The following DNAH14 variants were observed in gnomAD, a reference collection of about 807,000 sequenced individuals.
DNAH14 encodes dynein axonemal heavy chain 14.
In DNAH14, 478 loss-of-function variants were observed where a neutral mutation model predicts 520.9. The observed-to-expected ratio is 0.92, with a 90% CI of 0.85 to 0.99. The LOEUF is 0.99. Ranked by LOEUF, DNAH14 falls within the 50% of genes least tolerant of loss-of-function variation. DNAH14 has a pLI of 0.00. For synonymous variants in DNAH14, 1,581 were observed against 1,757.2 expected, an observed-to-expected ratio of 0.90 and a Z score of 2.51; for missense variants, 4,831 against 5,234.5, an observed-to-expected ratio of 0.92 and a Z score of 2.38.
chr1:225,022,854 A>G (rs2065815882), intron 10 of DNAH14, among the ~76,000 whole-genome samples: 1 of 152,212 alleles, frequency 6.6e-6, no homozygotes, highest in African/African-American at 2.4e-5. Context: ...GATGCCCATC[A>G]TTGGTGGACT....
intron 52 of DNAH14, among the ~76,000 whole-genome samples, chr1:225,275,586 A>T (rs192133934): frequency 3.1e-3 from 472 of 152,368 alleles, no homozygotes; most frequent in Non-Finnish European, 5.0e-3. Context: ...GAACTACAAG[A>T]TATTTCTAGC....
chr1:225,034,368 T>A (rs2066773517), intron 11 of DNAH14, among the ~76,000 whole-genome samples: 1 of 152,176 alleles, frequency 6.6e-6, no homozygotes, highest in African/African-American at 2.4e-5. Flanking sequence ...CATTTATTGA[T>A]TTGTGTATGT....
rs1319715399 is a variant in DNAH14, at chr1:225,318,567, T to C, written c.9241-16T>C. The C allele has an allele frequency of 1.3e-6, 2 of 1,538,154 alleles. No individual in the cohort carries two copies. The highest frequency in any genetic ancestry group is 1.4e-5 in the African/African-American group (1 of 72,304). On this transcript the variant is annotated splice_polypyrimidine_tract_variant and intron_variant, in intron 60 of 85. Transcript: ENST00000682510. ...ATTGATTCATATGTGTTTGGGGACC[T>C]ATATTTTTATTGCAGAAAACTGCCA...
chr1:225,049,045 C>CTTTT (rs1196968494), intron 15 of DNAH14, among the ~76,000 whole-genome samples: 3 of 87,116 alleles, frequency 3.4e-5, no homozygotes, highest in East Asian at 3.3e-4. Flanking sequence ...GATCTCTTGC[C>CTTTT]TATTTTTTTT....
Position 225,232,017 on chromosome 1 carries a change from T to A in DNAH14, c.6518+866T>A, listed in dbSNP as rs1002667357. On this transcript the variant is annotated intron_variant, in intron 42 of 85. Transcript: ENST00000682510. This position sits in a 1 kb window ranked among gnomAD's most constrained non-coding sequence, Gnocchi z 4.2. ...TATTTTTGAAGTCCTCTGTATTCTC[T>A]CCTAGATCTCAGGGTATCCTATCAT... Among the ~76,000 whole-genome samples, 1 of 152,164 alleles carries A rather than the reference T, an allele frequency of 6.6e-6. No homozygotes were observed. The highest frequency in any genetic ancestry group is 1.5e-5 in the Non-Finnish European group (1 of 68,004).
intron 77 of DNAH14, among the ~76,000 whole-genome samples, chr1:225,372,243 C>A (rs528296652): frequency 6.6e-6 from 1 of 152,172 alleles, no homozygotes; most frequent in East Asian, 1.9e-4. Context: ...TAATAAAATT[C>A]ATATGGAAGA....
chr1:225,018,317 T>C (rs2065378302), intron 10 of DNAH14, among the ~76,000 whole-genome samples: 1 of 152,130 alleles, frequency 6.6e-6, no homozygotes, highest in African/African-American at 2.4e-5. Context: ...GGAAGATTGC[T>C]CACTTGAAGC....
At chr1:225,146,655 A>G (rs2079973900) in intron 30 of DNAH14, among the ~76,000 whole-genome samples, 1 of 152,156 alleles carries the variant, frequency 6.6e-6, no homozygotes, top group Admixed American at 6.5e-5. Context: ...ATTGCCCATC[A>G]GCTGCCCGCC....
intron 69 of DNAH14, among the ~76,000 whole-genome samples, chr1:225,344,760 A>G (rs6664317): frequency 0.6 from 90,048 of 150,932 alleles, 28,010 homozygotes; most frequent in East Asian, 0.76. Flanking sequence ...CCATTGCCAC[A>G]CTAGAGTGCA....
chr1:224,974,394 C>G (rs559846300), intron 8 of DNAH14, among the ~76,000 whole-genome samples: 4 of 152,296 alleles, frequency 2.6e-5, no homozygotes, highest in Non-Finnish European at 4.4e-5. Flanking sequence ...GTCACTTTAT[C>G]TAACTTCTTG....
intron 64 of DNAH14, among the ~76,000 whole-genome samples, chr1:225,328,756 A>G (rs1357247890): frequency 1.3e-5 from 2 of 152,180 alleles, no homozygotes; most frequent in African/African-American, 4.8e-5. Flanking sequence ...AAGTTAATCA[A>G]TAGGCCCCAT....
chr1:225,221,991 C>T (rs550532230), intron 41 of DNAH14, among the ~76,000 whole-genome samples: 3 of 152,242 alleles, frequency 2.0e-5, no homozygotes, highest in African/African-American at 7.2e-5. Context: ...GCCAGCTTAT[C>T]GGGGCTCACT....
intron 19 of DNAH14, among the ~76,000 whole-genome samples, chr1:225,082,116 A>T (rs1161407653): frequency 6.6e-6 from 1 of 151,426 alleles, no homozygotes; most frequent in Non-Finnish European, 1.5e-5. Flanking sequence ...CTATGTTAAG[A>T]TGTTAATTAA....
chr1:225,149,576 T>A (rs886354546), intron 31 of DNAH14, among the ~76,000 whole-genome samples: 4 of 152,136 alleles, frequency 2.6e-5, no homozygotes, highest in Non-Finnish European at 5.9e-5. Flanking sequence ...ATGGAATGTT[T>A]TTCCATTTTC....
At chr1:225,292,498 A>T (rs892074751) in intron 55 of DNAH14, among the ~76,000 whole-genome samples, 1 of 151,988 alleles carries the variant, frequency 6.6e-6, no homozygotes, top group African/African-American at 2.4e-5. Flanking sequence ...TTTGGTTACT[A>T]TAGCTTTGTA....
Position 225,261,089 on chromosome 1 carries a change from G to A in DNAH14, c.7157+1836G>A, listed in dbSNP as rs186198001. Among the ~76,000 whole-genome samples, 349 of 152,216 alleles carry A rather than the reference G, an allele frequency of 2.3e-3. 2 individuals carry two copies. Among genetic ancestry groups the A allele is most frequent in the African/African-American group, 8.0e-3 (334 of 41,544 alleles). On this transcript the variant is annotated intron_variant, in intron 46 of 85. Transcript: ENST00000682510. ...TAATAAGATCATGTAATCAGCAAGC[G>A]GACAATTTCACCTCTTCTTTTCCTA... is the stretch of plus-strand genomic sequence containing the variant.
At chr1:225,152,959 G>T (rs993540549) in intron 33 of DNAH14, 76 bp downstream of exon 33, 4 of 1,424,274 alleles carry the variant, frequency 2.8e-6, no homozygotes, top group Non-Finnish European at 2.8e-6. Flanking sequence ...TTCTGGATTG[G>T]TCCAGGGATG....
intron 41 of DNAH14, among the ~76,000 whole-genome samples, chr1:225,222,753 C>T (rs1295402778): frequency 1.3e-5 from 2 of 152,182 alleles, no homozygotes; most frequent in African/African-American, 4.8e-5. Context: ...TTGCCTCTCA[C>T]AGCCGCTTAA....
chr1:225,089,341 G>A (rs973151673), intron 21 of DNAH14, among the ~76,000 whole-genome samples: 1 of 151,310 alleles, frequency 6.6e-6, no homozygotes, highest in African/African-American at 2.4e-5. Flanking sequence ...CTACTTGGAA[G>A]GCTGAGGCAG....
Sources: gnomAD v4.1 joint callset for allele counts (sites outside exome capture counted in the v4.1 genomes callset) on GRCh38, gnomAD v4.1.1 for gene constraint, Gnocchi (gnomAD v3.1) non-coding constraint, MANE v1.5 for transcripts, NCBI Gene and HGNC (gene_info 2026-07-23, HGNC 2026-07-21) for gene names.